Variants in CRTAP observed in about 807,000 individuals in gnomAD.
CRTAP encodes cartilage associated protein.
In CRTAP, 33 loss-of-function variants were observed where a neutral mutation model predicts 42.7. The observed-to-expected ratio is 0.77, with a 90% CI of 0.59 to 1.03. CRTAP has a LOEUF of 1.03. CRTAP is among the 50% of genes least tolerant of loss of function. CRTAP has a pLI of 0.00. For missense variants in CRTAP, 613 were observed against 533.9 expected (o/e 1.15, Z -1.46); for synonymous variants, 243 against 217.7 (o/e 1.12, Z -1.02).
chr3:33,137,383 C>T (rs2030452381), intron 6 of CRTAP, among the ~76,000 whole-genome samples: 1 of 152,156 alleles, frequency 6.6e-6, no homozygotes, highest in South Asian at 2.1e-4. Context: ...TCAGGCGATC[C>T]ACCCGCCTCA....
At chr3:33,114,676 C>T (rs1419849312) in intron 1 of CRTAP, 128 bp downstream of exon 1, 1 of 841,776 alleles carries the variant, frequency 1.2e-6, no homozygotes, top group Non-Finnish European at 1.9e-6. Context: ...TCCCATCCAG[C>T]CCTGCCAAAG....
chr3:33,114,109 T>C lies in CRTAP; in HGVS notation c.32T>C (p.Leu11Pro), dbSNP rs1701307738. The change falls in exon 1 of 7, where the codon CTG becomes CCG. Residue 11 changes from leucine (L) to proline (P), a missense_variant. By Grantham distance (98) the Leu-to-Pro change is moderately conservative (BLOSUM62 -3). Transcript: ENST00000320954. Reference protein sequence around the residue: MEPGRRGAAALLALLCVACAL... With the variant: MEPGRRGAAAPLALLCVACAL... ...CCGGGGCGCCGGGGGGCCGCGGCGC[T>C]GCTAGCGCTGCTGTGCGTGGCCTGC... 1.3e-6 allele frequency: 2 copies of C among 1,503,120 alleles called. No homozygotes were observed. Among genetic ancestry groups the C allele is most frequent in the East Asian group, 2.8e-5 (1 of 36,140 alleles). The allele number at this position is 1,503,120 out of a possible 1,614,324, so 93.1% of individuals were successfully genotyped here.
intron 6 of CRTAP, 88 bp from the exon 7 acceptor site, chr3:33,142,307 A>G: frequency 1.6e-6 from 2 of 1,241,278 alleles, no homozygotes; most frequent in Non-Finnish European, 2.4e-6. Context: ...GACAGTGGTG[A>G]TGGCCTCTCG....
At chr3:33,121,454 T>C (rs2029877689) in intron 2 of CRTAP, among the ~76,000 whole-genome samples, 1 of 151,896 alleles carries the variant, frequency 6.6e-6, no homozygotes, top group Non-Finnish European at 1.5e-5. Context: ...AAATATCCAC[T>C]AGAAGTTATA....
At chr3:33,133,824 T>C (rs1199597682) in intron 5 of CRTAP, among the ~76,000 whole-genome samples, 1 of 152,210 alleles carries the variant, frequency 6.6e-6, no homozygotes, top group African/African-American at 2.4e-5. Flanking sequence ...GCATGTGTTG[T>C]CAGTGAACCC....
At chr3:33,124,611 C>A (rs200565956) in intron 3 of CRTAP, 32 bp downstream of exon 3, 2 of 1,607,972 alleles carry the variant, frequency 1.2e-6, no homozygotes, top group Admixed American at 1.7e-5. Flanking sequence ...TCACTACTCC[C>A]ATGGAATAGT....
chr3:33,114,068 G>T lies in CRTAP; in HGVS notation c.-10G>T. The T allele has an allele frequency of 1.4e-6, 2 of 1,453,366 alleles. No homozygotes were observed. Among genetic ancestry groups the T allele is most frequent in the Non-Finnish European group, 1.8e-6 (2 of 1,108,318 alleles). The allele number at this position is 1,453,366 out of a possible 1,614,324, so 90.0% of individuals were successfully genotyped here. ...CTTCGTCCCTTCCTTCCTTCCTTTCGCCGGGCGCGATGGAGCCGGGGCGCC... is the reference window on the plus strand; with the variant it reads ...CTTCGTCCCTTCCTTCCTTCCTTTCTCCGGGCGCGATGGAGCCGGGGCGCC... On this transcript the variant is annotated 5_prime_UTR_variant, in exon 1 of 7. Coordinates refer to ENST00000320954, the MANE Select transcript of CRTAP (RefSeq NM_006371.5).
intron 6 of CRTAP, among the ~76,000 whole-genome samples, chr3:33,135,719 A>G (rs1248329093): frequency 6.6e-6 from 1 of 151,794 alleles, no homozygotes; most frequent in African/African-American, 2.4e-5. Context: ...ATATCTTTCC[A>G]TTTTTTTATT....
At chr3:33,133,667 A>ACTTT (rs10647355) in intron 5 of CRTAP, among the ~76,000 whole-genome samples, 108,641 of 151,554 alleles carry the variant, frequency 0.72, 39,134 homozygotes, top group East Asian at 0.93. Context: ...ACTTTTTGCA[A>ACTTT]CTTTGTCTTT....
rs1043547204 is a variant in CRTAP at position 33,143,691 on chromosome 3, G to T, written c.*1243G>T. The stretch of plus-strand genomic sequence containing the variant: ...GTGGAGAAAAATAAAGCAGGGGAGG[G>T]AGTAAGAAATCCTGGAGATGAGGCT... On this transcript the variant is annotated 3_prime_UTR_variant, in exon 7 of 7. Coordinates refer to ENST00000320954, the MANE Select transcript of CRTAP (RefSeq NM_006371.5). 2 of 152,168 alleles carry T rather than the reference G, an allele frequency of 1.3e-5. No homozygotes were observed. Among genetic ancestry groups the T allele is most frequent in the African/African-American group, 4.8e-5 (2 of 41,414 alleles). 9.4% of individuals were successfully genotyped at this position (152,168 alleles called of 1,614,324 possible).
chr3:33,132,143 G>C (rs2030285188), intron 4 of CRTAP, among the ~76,000 whole-genome samples: 1 of 152,132 alleles, frequency 6.6e-6, no homozygotes, highest in Non-Finnish European at 1.5e-5. Flanking sequence ...AGCTAACCTA[G>C]ATCTGGAGAC....
Position 33,147,107 on chromosome 3 carries a change from T to A in CRTAP, c.*4659T>A, listed in dbSNP as rs1361611871. 1 of 152,662 alleles carries A rather than the reference T, an allele frequency of 6.6e-6. No individual in the cohort carries two copies. Among genetic ancestry groups the A allele is most frequent in the African/African-American group, 2.4e-5 (1 of 41,438 alleles). The allele number at this position is 152,662 out of a possible 1,614,324, so 9.5% of individuals were successfully genotyped here. A position where few individuals can be genotyped will look rare whatever the true frequency, so the allele number is the denominator to read the frequency against. On this transcript the variant is annotated 3_prime_UTR_variant, in exon 7 of 7. Transcript: ENST00000320954. ...TCTTTTTTTCTGGTGACTCCAGGCC[T>A]GAATGACCTAGTGTGGAGAGTTTAA...
intron 4 of CRTAP, among the ~76,000 whole-genome samples, 160 bp from the exon 5 acceptor site, chr3:33,132,395 A>G (rs1247902158): frequency 1.3e-5 from 2 of 152,188 alleles, no homozygotes; most frequent in African/African-American, 4.8e-5. Context: ...TGGAGACCCC[A>G]TCTGTGGCCT....
intron 6 of CRTAP, among the ~76,000 whole-genome samples, chr3:33,139,551 A>G (rs2030516650): frequency 6.8e-6 from 1 of 146,760 alleles, no homozygotes; most frequent in Non-Finnish European, 1.5e-5. Context: ...ATCTCTGCTC[A>G]CTGCAACCTC....
intron 6 of CRTAP, among the ~76,000 whole-genome samples, chr3:33,141,752 G>A (rs1341542213): frequency 6.6e-6 from 1 of 152,186 alleles, no homozygotes; most frequent in Non-Finnish European, 1.5e-5. Context: ...AATTGGGAAG[G>A]GTGCTGGGCT....
chr3:33,131,895 A>G (rs1261700237), intron 4 of CRTAP, among the ~76,000 whole-genome samples: 1 of 152,032 alleles, frequency 6.6e-6, no homozygotes, highest in African/African-American at 2.4e-5. Context: ...GCCAGAATAC[A>G]TACCAGGGGC....
chr3:33,114,606 C>T, intron 1 of CRTAP, 58 bp downstream of exon 1: 2 of 1,500,598 alleles, frequency 1.3e-6, no homozygotes, highest in East Asian at 4.9e-5. Context: ...AGCCTCCAGG[C>T]CCTAGCCCCG....
intron 1 of CRTAP, chr3:33,115,229 G>C (rs1369672510): frequency 6.6e-6 from 1 of 152,234 alleles, no homozygotes; most frequent in Non-Finnish European, 1.5e-5. Flanking sequence ...ACAGTCGTGA[G>C]CCATTGCACC....
At position 33,114,181 on chromosome 3, in the gene CRTAP, G is replaced by C. The variant is rs573867257; in HGVS notation, c.104G>C (p.Ser35Thr). ...CAATACGAACGCTACAGCTTCCGCA[G>C]CTTCCCACGGGACGAGCTGATGCCG... ...RAQYERYSFR[S>T]FPRDELMPLE... Residue 35 changes from serine to threonine, a missense_variant, in exon 1 of 7, where the codon AGC becomes ACC. Coordinates refer to ENST00000320954, the MANE Select transcript of CRTAP (RefSeq NM_006371.5). 12 of 1,592,540 alleles carry C rather than the reference G, an allele frequency of 7.5e-6. No individual in the cohort carries two copies. The East Asian group carries it at 2.7e-4, about 36-fold the overall frequency.
Sources: gnomAD v4.1 joint callset for allele counts (sites outside exome capture counted in the v4.1 genomes callset) on GRCh38, gnomAD v4.1.1 for gene constraint, MANE v1.5 for transcripts, NCBI Gene and HGNC (gene_info 2026-07-23, HGNC 2026-07-21) for gene names.